ARHGAP6: variants seen among roughly 807,000 people sequenced by gnomAD.
ARHGAP6 encodes Rho GTPase activating protein 6.
ARHGAP6 carries 16 observed loss-of-function variants against 55.7 expected under a neutral mutation model. That is an observed-to-expected ratio of 0.29 (90% CI 0.19 to 0.44). The LOEUF (loss-of-function observed/expected upper bound fraction) is 0.44. Ranked by LOEUF, ARHGAP6 falls within the 20% of genes least tolerant of loss-of-function variation. ARHGAP6 has a pLI of 1.00. For missense variants in ARHGAP6, 698 were observed against 808.9 expected (o/e 0.86, Z 1.66); for synonymous variants, 382 against 360.9 (o/e 1.06, Z -0.66).
At chrX:11,529,063 C>T (rs1196368309) in intron 1 of ARHGAP6, among the ~76,000 whole-genome samples, 1 of 111,885 alleles carries the variant, frequency 8.9e-6, no homozygotes, top group East Asian at 2.8e-4. Context: ...CAATCTCCCT[C>T]TCCCCCATCT....
At chrX:11,315,638 A>G (rs761067615) in intron 1 of ARHGAP6, among the ~76,000 whole-genome samples, 104 of 112,198 alleles carry the variant, frequency 9.3e-4, no homozygotes, top group Non-Finnish European at 1.7e-3. Flanking sequence ...CCAGAATTTG[A>G]AAGAGCTTAA....
At chrX:11,460,903 A>G (rs1263047933) in intron 1 of ARHGAP6, among the ~76,000 whole-genome samples, 1 of 112,156 alleles carries the variant, frequency 8.9e-6, no homozygotes, top group Non-Finnish European at 1.9e-5. Flanking sequence ...TTAGTCAGGT[A>G]AGGTTATGCT....
In ARHGAP6 at chrX:11,138,751, T is replaced by G; in HGVS notation, c.*112A>C. ...TGAACTGGATTTCTCTTGTGTCACTTTTGAGAAGTGTGAAAGAAGAACACT... is the reference window on the plus strand; with the variant it reads ...TGAACTGGATTTCTCTTGTGTCACTGTTGAGAAGTGTGAAAGAAGAACACT... On this transcript the variant is annotated 3_prime_UTR_variant, in exon 13 of 13. Transcript: ENST00000337414. The G allele has an allele frequency of 3.5e-6, 3 of 850,068 alleles. No homozygotes were observed. Among genetic ancestry groups the G allele is most frequent in the Non-Finnish European group, 4.9e-6 (3 of 611,871 alleles). The allele number at this position is 850,068 out of a possible 1,213,427, so 70.1% of individuals were successfully genotyped here.
At chrX:11,409,980 T>A in intron 1 of ARHGAP6, among the ~76,000 whole-genome samples, 1 of 111,881 alleles carries the variant, frequency 8.9e-6, no homozygotes, top group Non-Finnish European at 1.9e-5. Context: ...CAACAAGTAC[T>A]GGTAAGGATG....
intron 2 of ARHGAP6, among the ~76,000 whole-genome samples, chrX:11,233,625 T>C (rs1012780097): frequency 8.9e-6 from 1 of 112,220 alleles, no homozygotes; most frequent in South Asian, 3.7e-4. Context: ...CTAGATAGTT[T>C]ACATTGCCAT....
intron 1 of ARHGAP6, among the ~76,000 whole-genome samples, chrX:11,536,498 G>A (rs965480070): frequency 2.7e-5 from 3 of 111,695 alleles, no homozygotes; most frequent in Admixed American, 9.5e-5. Flanking sequence ...TCACACCTCC[G>A]CTCCTCTACT....
intron 5 of ARHGAP6, among the ~76,000 whole-genome samples, chrX:11,182,794 CCTGA>C (rs1206868773): frequency 5.5e-5 from 6 of 108,793 alleles, no homozygotes; most frequent in Admixed American, 9.9e-5. Flanking sequence ...TGCCTCCATG[CCTGA>C]CTAATTTTTG....
At chrX:11,226,239 G>A (rs775799071) in intron 2 of ARHGAP6, among the ~76,000 whole-genome samples, 32 of 106,609 alleles carry the variant, frequency 3.0e-4, no homozygotes, top group African/African-American at 8.2e-4. Flanking sequence ...GAGAACATGC[G>A]GTGTTTGGTT....
chrX:11,563,930 T>C (rs907399173), intron 1 of ARHGAP6, among the ~76,000 whole-genome samples: 1 of 111,602 alleles, frequency 9.0e-6, no homozygotes, highest in African/African-American at 3.2e-5. Context: ...TCACTTTTTT[T>C]AGTCTAGAGA....
chrX:11,446,070 T>C (rs1164237511), intron 1 of ARHGAP6, among the ~76,000 whole-genome samples: 1 of 112,150 alleles, frequency 8.9e-6, no homozygotes, highest in Non-Finnish European at 1.9e-5. Context: ...ATTATATATG[T>C]TCAAATTACA....
At chrX:11,391,062 C>G (rs1226993198) in intron 1 of ARHGAP6, among the ~76,000 whole-genome samples, 1 of 112,012 alleles carries the variant, frequency 8.9e-6, no homozygotes, top group Non-Finnish European at 1.9e-5. Context: ...TTGGAACCAA[C>G]CCAAATGTCC....
At chrX:11,616,268 T>C (rs938206107) in intron 1 of ARHGAP6, among the ~76,000 whole-genome samples, 3 of 111,537 alleles carry the variant, frequency 2.7e-5, no homozygotes, top group African/African-American at 9.8e-5. Flanking sequence ...ACCAAGCAGA[T>C]GCCAGTGCCA....
chrX:11,141,665 C>T (rs1295617215), intron 12 of ARHGAP6, among the ~76,000 whole-genome samples: 1 of 112,551 alleles, frequency 8.9e-6, no homozygotes, highest in Non-Finnish European at 1.9e-5. Context: ...CTGCCATCCA[C>T]AGTTTACAGA....
intron 1 of ARHGAP6, among the ~76,000 whole-genome samples, chrX:11,313,715 AG>A (rs756588395): frequency 8.9e-6 from 1 of 112,393 alleles, no homozygotes; most frequent in Non-Finnish European, 1.9e-5. Context: ...CTTCACAATT[AG>A]AAAGATTGTT....
intron 1 of ARHGAP6, among the ~76,000 whole-genome samples, chrX:11,457,221 C>T (rs1277013982): frequency 9.0e-6 from 1 of 111,648 alleles, no homozygotes; most frequent in Non-Finnish European, 1.9e-5. Context: ...AGATCAAGGA[C>T]AATATATTAT....
intron 1 of ARHGAP6, among the ~76,000 whole-genome samples, chrX:11,450,729 G>A (rs770195149): frequency 1.8e-5 from 2 of 111,969 alleles, no homozygotes; most frequent in Non-Finnish European, 3.8e-5. Context: ...TCAGCACTAT[G>A]AACCGGTGTG....
chrX:11,363,365 C>G (rs1434907146), intron 1 of ARHGAP6, among the ~76,000 whole-genome samples: 1 of 112,412 alleles, frequency 8.9e-6, no homozygotes, highest in African/African-American at 3.2e-5. Context: ...CGTGACTCCC[C>G]ACTGCCTGGT....
intron 1 of ARHGAP6, among the ~76,000 whole-genome samples, chrX:11,391,232 C>T (rs900146299): frequency 9.0e-6 from 1 of 111,522 alleles, no homozygotes; most frequent in African/African-American, 3.3e-5. Context: ...CCAAACACCA[C>T]ATGTTCTCAC....
rs192260430 is a variant in ARHGAP6 at position 11,158,757 on chromosome X, C to T, written c.1810-2131G>A. On this transcript the variant is annotated intron_variant, in intron 9 of 12. Coordinates refer to ENST00000337414, the MANE Select transcript of ARHGAP6 (RefSeq NM_013427.3). ...GCACCACTGTGCTTCTCCCTCAGGT[C>T]TTCTCTTCCCTCCCTTCCTTTCATT... Among the ~76,000 whole-genome samples, 551 of 112,466 alleles carry T rather than the reference C, an allele frequency of 4.9e-3. 5 individuals are homozygous for T. Among genetic ancestry groups the T allele is most frequent in the African/African-American group, 0.016 (502 of 30,956 alleles).
Sources: gnomAD v4.1 joint callset for allele counts (sites outside exome capture counted in the v4.1 genomes callset) on GRCh38, gnomAD v4.1.1 for gene constraint, MANE v1.5 for transcripts, NCBI Gene and HGNC (gene_info 2026-07-23, HGNC 2026-07-21) for gene names.